GLIS3: variants seen among roughly 807,000 people sequenced by gnomAD.
GLIS3 encodes GLIS family zinc finger 3.
In GLIS3, 53 loss-of-function variants were observed where a neutral mutation model predicts 78.6. The ratio of observed to expected loss-of-function variants is 0.67; its 90% CI spans 0.54 to 0.85. The LOEUF is 0.85. Ranked by LOEUF, GLIS3 falls within the 40% of genes least tolerant of loss-of-function variation. GLIS3 has a pLI of 0.00. For missense variants in GLIS3, 1,703 were observed against 1,231.1 expected (o/e 1.38, Z -5.74); for synonymous variants, 684 against 509.9 (o/e 1.34, Z -4.60).
the GLIS3 span, among the ~76,000 whole-genome samples, chr9:4,394,641 C>T: frequency 2.0e-5 from 3 of 152,156 alleles, no homozygotes; most frequent in Non-Finnish European, 2.9e-5. Flanking sequence ...TCATATCTTA[C>T]CCCAAAGTCT....
At chr9:3,928,562 G>A (rs923613080) in intron 6 of GLIS3, among the ~76,000 whole-genome samples, 2 of 152,232 alleles carry the variant, frequency 1.3e-5, no homozygotes, top group African/African-American at 4.8e-5. Context: ...TATATGTGGG[G>A]GAGAGGTGGT....
the GLIS3 span, among the ~76,000 whole-genome samples, chr9:4,394,092 A>G: frequency 6.6e-6 from 1 of 152,036 alleles, no homozygotes; most frequent in Non-Finnish European, 1.5e-5. Flanking sequence ...AAAAAAAGAA[A>G]AAGAAAAAAG....
chr9:4,044,152 G>A (rs1161564869), intron 4 of GLIS3, among the ~76,000 whole-genome samples: 1 of 152,136 alleles, frequency 6.6e-6, no homozygotes, highest in Non-Finnish European at 1.5e-5. Flanking sequence ...ACATGGGGAG[G>A]GAGTCTGTTC....
intron 2 of GLIS3, among the ~76,000 whole-genome samples, chr9:4,155,199 AG>A (rs1586827423): frequency 6.6e-6 from 1 of 152,376 alleles, no homozygotes; most frequent in East Asian, 1.9e-4. Flanking sequence ...AATGCTCTGA[AG>A]AAAAAAATAC....
At chr9:3,879,327 C>T in intron 8 of GLIS3, 100 bp downstream of exon 8, 2 of 1,185,416 alleles carry the variant, frequency 1.7e-6, no homozygotes, top group Admixed American at 1.7e-5. Context: ...CTCAACCCAC[C>T]AACGGATTAT....
rs536629915 is a variant in GLIS3, at chr9:4,143,161, C to A, written c.389-17220G>T. 3.9e-5 allele frequency among the ~76,000 whole-genome samples: 6 copies of A among 152,234 alleles called. No individual in the cohort carries two copies. In the East Asian group the frequency reaches 1.2e-3, roughly 29 times the overall value. On this transcript the variant is annotated intron_variant, in intron 2 of 10. Transcript: ENST00000381971. The stretch of plus-strand genomic sequence containing the variant: ...TGTGATGATTTGACATACGTACACA[C>A]TGTGAAACAATTACCACAATCCATA...
intron 7 of GLIS3, among the ~76,000 whole-genome samples, chr9:3,885,307 A>C (rs1821998937): frequency 6.6e-6 from 1 of 152,206 alleles, no homozygotes; most frequent in Admixed American, 6.5e-5. Context: ...AAAGGCCACC[A>C]GTTGTCAATA....
At chr9:4,355,865 G>A in the GLIS3 span, among the ~76,000 whole-genome samples, 3 of 152,292 alleles carry the variant, frequency 2.0e-5, no homozygotes, top group South Asian at 2.1e-4. Flanking sequence ...TAACTAGAAA[G>A]GGGCATGTGG....
chr9:4,158,314 T>A (rs770323244), intron 2 of GLIS3, among the ~76,000 whole-genome samples: 8 of 152,174 alleles, frequency 5.3e-5, no homozygotes, highest in Non-Finnish European at 7.3e-5. Context: ...GTTTGCCATA[T>A]CCCTGATACA....
chr9:3,891,699 C>T (rs1235953375), intron 7 of GLIS3, among the ~76,000 whole-genome samples: 2 of 152,116 alleles, frequency 1.3e-5, no homozygotes, highest in African/African-American at 2.4e-5. Context: ...AAGATCCTGT[C>T]TCAAAAGAAA....
chr9:4,202,152 C>T lies in GLIS3; in HGVS notation c.389-76211G>A, dbSNP rs368081736. ...GACTCTTTTTTTTCTCCCCCTTTTT[C>T]TTTTTTTTTTTTTTTTGAGACGGAG... is the stretch of plus-strand genomic sequence containing the variant. On this transcript the variant is annotated intron_variant, in intron 2 of 10. Coordinates refer to ENST00000381971, the MANE Select transcript of GLIS3 (RefSeq NM_001042413.2). Among the ~76,000 whole-genome samples, 67 of 125,402 alleles carry T rather than the reference C, an allele frequency of 5.3e-4. No individual in the cohort carries two copies. The Middle Eastern group carries it at 0.014, about 26-fold the overall frequency. The allele number at this position is 125,402 out of a possible 152,430, so 82.3% of individuals were successfully genotyped here. A position where few individuals can be genotyped will look rare whatever the true frequency, so the allele number is the denominator to read the frequency against.
intron 2 of GLIS3, among the ~76,000 whole-genome samples, chr9:4,216,995 A>G (rs1404439752): frequency 6.6e-6 from 1 of 152,248 alleles, no homozygotes; most frequent in Non-Finnish European, 1.5e-5. Flanking sequence ...GCCACATTAA[A>G]GGGATTCAGC....
chr9:4,291,564 G>T (rs182066174), intron 1 of GLIS3, among the ~76,000 whole-genome samples: 1 of 152,124 alleles, frequency 6.6e-6, no homozygotes, highest in Non-Finnish European at 1.5e-5. Flanking sequence ...TCAAAATATG[G>T]GTAGTAAATA....
the GLIS3 span, among the ~76,000 whole-genome samples, chr9:4,376,584 T>C: frequency 7.4e-6 from 1 of 135,012 alleles, no homozygotes; most frequent in Non-Finnish European, 1.7e-5. Flanking sequence ...ATAGAAGTCA[T>C]GTAGGTAGTT....
At chr9:4,360,570 T>G in the GLIS3 span, among the ~76,000 whole-genome samples, 2 of 152,142 alleles carry the variant, frequency 1.3e-5, no homozygotes, top group Non-Finnish European at 2.9e-5. Flanking sequence ...TCACCTTAAC[T>G]CGATGAGTTG....
At chr9:4,284,659 C>T (rs1024656227) in intron 2 of GLIS3, among the ~76,000 whole-genome samples, 2 of 151,728 alleles carry the variant, frequency 1.3e-5, no homozygotes, top group Admixed American at 1.3e-4. Context: ...GCCTGTAACG[C>T]TAGCACTTTG....
At chr9:4,267,005 T>A (rs541046824) in intron 2 of GLIS3, among the ~76,000 whole-genome samples, 4 of 152,178 alleles carry the variant, frequency 2.6e-5, no homozygotes, top group Non-Finnish European at 5.9e-5. Flanking sequence ...CTCAATTCTT[T>A]CCTAAAAATC....
At chr9:4,218,696 T>A (rs1206613600) in intron 2 of GLIS3, among the ~76,000 whole-genome samples, 10 of 152,212 alleles carry the variant, frequency 6.6e-5, no homozygotes, top group Admixed American at 6.5e-4. Context: ...AAAAACTGAT[T>A]TTTTTATGTT....
chr9:4,074,549 C>A (rs935730558), intron 4 of GLIS3, among the ~76,000 whole-genome samples: 2 of 152,108 alleles, frequency 1.3e-5, no homozygotes. Flanking sequence ...AAAGATTCTA[C>A]CCAACTGTAT....
Sources: gnomAD v4.1 joint callset for allele counts (sites outside exome capture counted in the v4.1 genomes callset) on GRCh38, gnomAD v4.1.1 for gene constraint, MANE v1.5 for transcripts, NCBI Gene and HGNC (gene_info 2026-07-23, HGNC 2026-07-21) for gene names.